The following DAB1 variants were observed in gnomAD, a reference collection of about 807,000 sequenced individuals.
DAB1 encodes the protein DAB adaptor protein 1.
DAB1 carries 15 observed loss-of-function variants against 64.6 expected under a neutral mutation model. That is an observed-to-expected ratio of 0.23 (90% CI 0.16 to 0.36). The LOEUF is 0.36. Ranked by LOEUF, DAB1 falls within the 10% of genes least tolerant of loss-of-function variation. The probability of loss-of-function intolerance (pLI) is 1.00; values close to 1 mark genes in which losing one functional copy is unlikely to be tolerated. For synonymous variants in DAB1, 235 were observed against 251.9 expected (o/e 0.93, Z 0.64); for missense variants, 596 against 706.7 (o/e 0.84, Z 1.78).
intron 2 of DAB1, among the ~76,000 whole-genome samples, chr1:57,146,324 T>C (rs569231052): frequency 1.3e-3 from 197 of 152,342 alleles, no homozygotes; most frequent in African/African-American, 4.5e-3. Flanking sequence ...ATCATTAACC[T>C]CATCATACTT....
At chr1:58,158,153 A>C (rs1425766302) in intron 4 of DAB1, among the ~76,000 whole-genome samples, 1 of 152,116 alleles carries the variant, frequency 6.6e-6, no homozygotes, top group Non-Finnish European at 1.5e-5. Context: ...AGAAAGGAAG[A>C]CCAAAGCCTC....
At chr1:58,107,203 G>C (rs573616014) in intron 5 of DAB1, among the ~76,000 whole-genome samples, 8 of 151,116 alleles carry the variant, frequency 5.3e-5, no homozygotes, top group Admixed American at 6.6e-5. Context: ...GCTCACGTCT[G>C]TTATCCCAGC....
At chr1:58,335,606 C>CG (rs1553175996) in intron 4 of DAB1, among the ~76,000 whole-genome samples, 62 of 151,600 alleles carry the variant, frequency 4.1e-4, no homozygotes, top group Non-Finnish European at 7.2e-4. Flanking sequence ...AGGGTGGAAA[C>CG]GGGGGATAAC....
chr1:58,393,740 G>C (rs1326547237), intron 3 of DAB1, among the ~76,000 whole-genome samples: 1 of 152,160 alleles, frequency 6.6e-6, no homozygotes, highest in Non-Finnish European at 1.5e-5. Flanking sequence ...ATGGGGAAAG[G>C]GGAGATGTTA....
intron 3 of DAB1, among the ~76,000 whole-genome samples, chr1:58,356,763 G>A (rs1213680505): frequency 1.3e-5 from 2 of 152,102 alleles, no homozygotes; most frequent in East Asian, 3.9e-4. Context: ...GCTCATGTCT[G>A]TAATCCCAAC....
intron 7 of DAB1, 142 bp downstream of exon 7, chr1:57,070,881 C>A: frequency 2.7e-6 from 2 of 749,440 alleles, no homozygotes; most frequent in East Asian, 2.5e-5. Context: ...CCTGGAGGGG[C>A]TGGCAGCCCT....
chr1:57,753,378 AC>A (rs770822120), intron 6 of DAB1, among the ~76,000 whole-genome samples: 9 of 152,104 alleles, frequency 5.9e-5, no homozygotes, highest in African/African-American at 9.7e-5. Flanking sequence ...AGCTTGGCTG[AC>A]CCCTCTGAGG....
Position 57,515,346 on chromosome 1 carries a change from G to A in DAB1, n.625+134246C>T, listed in dbSNP as rs570485631. Among the ~76,000 whole-genome samples the A allele has an allele frequency of 2.6e-5, 4 of 152,266 alleles. No individual in the cohort carries two copies. In the South Asian group the frequency reaches 8.3e-4, roughly 32 times the overall value. On this transcript the variant is annotated intron_variant and non_coding_transcript_variant, in intron 7 of 20. Transcript: ENST00000485760. ...AATTTGATTTATTTAGGAAGAGAGG[G>A]GAGCTTTATTAGCTTATTACCATCA...
intron 9 of DAB1, among the ~76,000 whole-genome samples, chr1:57,049,946 G>A (rs1570593740): frequency 6.6e-6 from 1 of 152,122 alleles, no homozygotes; most frequent in South Asian, 2.1e-4. Context: ...TCCTGCAGGG[G>A]TTTAGCTTCC....
intron 5 of DAB1, among the ~76,000 whole-genome samples, chr1:58,073,430 A>G (rs1470794749): frequency 6.6e-6 from 1 of 152,054 alleles, no homozygotes; most frequent in Non-Finnish European, 1.5e-5. Flanking sequence ...GCCAACCTTT[A>G]TCATAGCACC....
chr1:57,600,956 T>G (rs1645569648), intron 7 of DAB1, among the ~76,000 whole-genome samples: 1 of 152,222 alleles, frequency 6.6e-6, no homozygotes, highest in Non-Finnish European at 1.5e-5. Flanking sequence ...TGGGTATTTG[T>G]TGCTCACCAC....
chr1:58,143,192 A>G (rs1415767365), intron 5 of DAB1, among the ~76,000 whole-genome samples: 2 of 152,120 alleles, frequency 1.3e-5, no homozygotes, highest in African/African-American at 2.4e-5. Flanking sequence ...AAATGTACAC[A>G]CACAGTAAGT....
chr1:58,052,561 GT>G lies in DAB1; in HGVS notation n.387+97949del, dbSNP rs567261541. ...TTGGTTCCATATGAACTTTAAAGTA[GT>G]TTTTTTCCAATTCTGTGAAGAAAGT... On this transcript the variant is annotated intron_variant and non_coding_transcript_variant, in intron 5 of 20. Transcript: ENST00000485760. Among the ~76,000 whole-genome samples the G allele has an allele frequency of 1.1e-4, 16 of 152,238 alleles. No homozygotes were observed. In the South Asian group the frequency reaches 2.9e-3, roughly 28 times the overall value.
Position 57,127,706 on chromosome 1 carries a change from C to G in DAB1, c.306+8837G>C, listed in dbSNP as rs574576332. On this transcript the variant is annotated intron_variant, in intron 4 of 14. Transcript: ENST00000371236. The stretch of plus-strand genomic sequence containing the variant: ...AGTAGTTGTGTTCAAGTGACCTAAC[C>G]TTCCTGAGTCTTAGTCACCTAATCT... Among the ~76,000 whole-genome samples the G allele has an allele frequency of 4.6e-5, 7 of 152,258 alleles. No individual in the cohort carries two copies. In the East Asian group the frequency reaches 1.4e-3, roughly 29 times the overall value.
At chr1:57,193,429 C>G (rs539661667) in intron 2 of DAB1, among the ~76,000 whole-genome samples, 1 of 124,882 alleles carries the variant, frequency 8.0e-6, no homozygotes, top group South Asian at 2.5e-4. Flanking sequence ...CTCTGTCACC[C>G]AGGCTGGAGT....
At chr1:57,630,379 T>C (rs536035607) in intron 7 of DAB1, among the ~76,000 whole-genome samples, 5 of 152,334 alleles carry the variant, frequency 3.3e-5, no homozygotes, top group African/African-American at 1.2e-4. Flanking sequence ...GAGTCCACTC[T>C]AGTGTTCGAT....
intron 2 of DAB1, among the ~76,000 whole-genome samples, chr1:58,518,544 G>C (rs1232460382): frequency 3.3e-5 from 5 of 151,586 alleles, no homozygotes; most frequent in African/African-American, 1.2e-4. Context: ...ACTGGAGATG[G>C]GAACATACTG....
chr1:58,465,862 T>C (rs1324453173), intron 3 of DAB1, among the ~76,000 whole-genome samples: 1 of 152,166 alleles, frequency 6.6e-6, no homozygotes, highest in Non-Finnish European at 1.5e-5. Flanking sequence ...CCATGGTCAA[T>C]GGCAGAAATG....
rs559952002 is a variant in DAB1, at chr1:57,314,904, C to T, written c.-136-23738G>A. ...ATCCATGGTTAAATAGTTCTCAAAACAATAATATAATAGTCCCTGATCCAT... is the reference window on the plus strand; with the variant it reads ...ATCCATGGTTAAATAGTTCTCAAAATAATAATATAATAGTCCCTGATCCAT... On this transcript the variant is annotated intron_variant, in intron 1 of 14. Transcript: ENST00000371236. Among the ~76,000 whole-genome samples, 221 of 152,176 alleles carry T rather than the reference C, an allele frequency of 1.5e-3. 2 individuals carry two copies. Among genetic ancestry groups the T allele is most frequent in the African/African-American group, 5.2e-3 (215 of 41,516 alleles).
Sources: gnomAD v4.1 joint callset for allele counts (sites outside exome capture counted in the v4.1 genomes callset) on GRCh38, gnomAD v4.1.1 for gene constraint, MANE v1.5 for transcripts, NCBI Gene and HGNC (gene_info 2026-07-23, HGNC 2026-07-21) for gene names.